The following MTO1 variants were observed in gnomAD, a reference collection of about 807,000 sequenced individuals.
The protein encoded by MTO1 is 5-taurinomethyluridine-[tRNA] synthase subunit MTO1, mitochondrial.
MTO1 carries 46 observed loss-of-function variants against 71.6 expected under a neutral mutation model. The ratio of observed to expected loss-of-function variants is 0.64; its 90% CI spans 0.51 to 0.82. The LOEUF (loss-of-function observed/expected upper bound fraction) is 0.82, where lower values mean the gene tolerates loss of function less well. MTO1 is among the 40% of genes least tolerant of loss of function. MTO1 has a pLI of 0.00. For synonymous variants in MTO1, 297 were observed against 312.1 expected (o/e 0.95, Z 0.51); for missense variants, 773 against 867.5 (o/e 0.89, Z 1.37).
chr6:73,476,935 C>T, intron 4 of MTO1, among the ~76,000 whole-genome samples: 1 of 151,876 alleles, frequency 6.6e-6, no homozygotes, highest in Non-Finnish European at 1.5e-5. Context: ...TTACAGGCAC[C>T]CGCCAACACG....
At chr6:73,493,354 A>ATG (rs144509962) in intron 10 of MTO1, among the ~76,000 whole-genome samples, 53,730 of 139,210 alleles carry the variant, frequency 0.39, 11,288 homozygotes, top group Non-Finnish European at 0.48. Flanking sequence ...ATGTGCATGT[A>ATG]TGTGTGTGTG....
rs148275953 is a variant in MTO1, at chr6:73,474,786, G to A, written c.825+1132G>A. ...TTTTCTTTTTTTGAGACGGAGTTTCGCCATTGTTGCCCAGGCTGGAGTGCA... is the reference window on the plus strand; with the variant it reads ...TTTTCTTTTTTTGAGACGGAGTTTCACCATTGTTGCCCAGGCTGGAGTGCA... On this transcript the variant is annotated intron_variant, in intron 4 of 11. Coordinates refer to ENST00000498286, the MANE Select transcript of MTO1 (RefSeq NM_012123.4). 3.5e-3 allele frequency among the ~76,000 whole-genome samples: 528 copies of A among 149,224 alleles called. 1 individual carries two copies. Among genetic ancestry groups the A allele is most frequent in the African/African-American group, 0.012 (477 of 40,468 alleles).
chr6:73,498,622 A>G (rs903091084), intron 11 of MTO1, among the ~76,000 whole-genome samples: 5 of 152,038 alleles, frequency 3.3e-5, no homozygotes, highest in Admixed American at 6.6e-5. Context: ...TTAATTTACT[A>G]TATAGTAATT....
In MTO1 at chr6:73,482,146, C is replaced by G. The variant is rs1771517793; in HGVS notation, c.1367C>G (p.Thr456Ser). Reference protein sequence around the residue: ...YIGVLIDDLTTLGTSEPYRMF... With the variant: ...YIGVLIDDLTSLGTSEPYRMF... Reference sequence around the variant, plus strand: ...GGAGTCTTGATTGATGACCTCACTACTCTGGGCACCAGTGAACCATACCGC... The same window carrying G: ...GGAGTCTTGATTGATGACCTCACTAGTCTGGGCACCAGTGAACCATACCGC... The change falls in exon 8 of 12, where the codon ACT becomes AGT. Residue 456 changes from threonine (T) to serine (S), a missense_variant. Physicochemically the swap from Thr to Ser is moderately conservative, Grantham distance 58. Coordinates refer to ENST00000498286, the MANE Select transcript of MTO1 (RefSeq NM_012123.4). 1 of 1,614,054 alleles carries G rather than the reference C, an allele frequency of 6.2e-7. No homozygotes were observed. Among genetic ancestry groups the G allele is most frequent in the Non-Finnish European group, 8.5e-7 (1 of 1,180,042 alleles).
intron 4 of MTO1, among the ~76,000 whole-genome samples, chr6:73,477,947 C>T (rs1373758203): frequency 6.6e-6 from 1 of 152,014 alleles, no homozygotes; most frequent in African/African-American, 2.4e-5. Context: ...TTTTACCTAT[C>T]TCTCGAGTTT....
Position 73,506,135 on chromosome 6 carries a change from T to C in MTO1, c.*5400T>C, listed in dbSNP as rs1258328288. On this transcript the variant is annotated 3_prime_UTR_variant, in exon 12 of 12. Transcript: ENST00000498286. ...CTGAGACTACAGGCGCGTGCCACCA[T>C]GCTCAGCTAATTTTTTCTATTTTTA... is the stretch of plus-strand genomic sequence containing the variant. The C allele has an allele frequency of 6.6e-6, 1 of 152,026 alleles. No individual in the cohort carries two copies. The highest frequency in any genetic ancestry group is 1.5e-5 in the Non-Finnish European group (1 of 68,036). The allele number at this position is 152,026 out of a possible 1,614,324, so 9.4% of individuals were successfully genotyped here.
At chr6:73,471,546 C>G (rs1771162505) in intron 3 of MTO1, 1 of 405,478 alleles carries the variant, frequency 2.5e-6, no homozygotes, top group African/African-American at 2.1e-5. Context: ...TCCTGTGTAG[C>G]TGGGACCACA....
chr6:73,468,107 C>T (rs1771052152), intron 3 of MTO1, among the ~76,000 whole-genome samples: 1 of 151,994 alleles, frequency 6.6e-6, no homozygotes, highest in Non-Finnish European at 1.5e-5. Context: ...CTGTGAGCCA[C>T]CGCACCCAGC....
chr6:73,469,666 G>T (rs1421763438), intron 3 of MTO1, among the ~76,000 whole-genome samples: 2 of 150,094 alleles, frequency 1.3e-5, no homozygotes, highest in Admixed American at 6.7e-5. Flanking sequence ...TGGAAGATTT[G>T]TGTGTACACA....
At chr6:73,467,863 C>G (rs940711808) in intron 3 of MTO1, among the ~76,000 whole-genome samples, 1 of 152,008 alleles carries the variant, frequency 6.6e-6, no homozygotes, top group African/African-American at 2.4e-5. Context: ...CACTCTGTGC[C>G]AGGCTGGAAT....
chr6:73,494,109 C>T (rs78009781), intron 10 of MTO1, among the ~76,000 whole-genome samples: 10,138 of 151,832 alleles, frequency 0.067, 462 homozygotes, highest in East Asian at 0.19. Flanking sequence ...GTGGCAGGCA[C>T]CTATAATCCC....
chr6:73,493,694 A>G (rs1328811740), intron 10 of MTO1, among the ~76,000 whole-genome samples: 2 of 151,706 alleles, frequency 1.3e-5, no homozygotes, highest in Non-Finnish European at 2.9e-5. Context: ...CCCAGCATAT[A>G]TATATATATC....
rs1012000476 is a variant in MTO1 at position 73,479,973 on chromosome 6, C to G, written c.976C>G (p.Pro326Ala). The G allele has an allele frequency of 5.0e-6, 8 of 1,613,200 alleles. No individual in the cohort carries two copies. In the African/African-American group the frequency reaches 6.7e-5, roughly 13 times the overall value. The part of the protein sequence containing the change: ...PSIESKVLRF[P>A]NRLHQVWLEP... Reference sequence around the variant, plus strand: ...CATTGAATCAAAAGTTTTGCGTTTTCCAAACCGTCTACATCAGGTTTGGTT... The same window carrying G: ...CATTGAATCAAAAGTTTTGCGTTTTGCAAACCGTCTACATCAGGTTTGGTT... The change falls in exon 6 of 12, where the codon CCA becomes GCA. Residue 326 changes from proline to alanine, a missense_variant. Physicochemically the swap from Pro to Ala is conservative, Grantham distance 27 (BLOSUM62 -1). Transcript: ENST00000498286.
Position 73,481,822 on chromosome 6 carries a change from G to A in MTO1, c.1261-218G>A, listed in dbSNP as rs535902. On this transcript the variant is annotated intron_variant, in intron 7 of 11. Coordinates refer to ENST00000498286, the MANE Select transcript of MTO1 (RefSeq NM_012123.4). ...GTGCAGCTTATCAGGAAGATTAGAT[G>A]GATATCTCTGAAAACAATGAATCAT... Among the ~76,000 whole-genome samples the A allele has an allele frequency of 0.91, 138,145 of 152,156 alleles. 62,817 individuals carry two copies. Among genetic ancestry groups the A allele is most frequent in the East Asian group, 0.95 (4,938 of 5,176 alleles).
Position 73,489,608 on chromosome 6 carries a change from C to A in MTO1, c.1638-2626C>A, listed in dbSNP as rs565584278. ...GCTTCATCCATGTCCCTACAAAGGA[C>A]ATGAACTCATCTTTTTTTATGGCTG... On this transcript the variant is annotated intron_variant, in intron 9 of 11. Transcript: ENST00000498286. 2.0e-5 allele frequency among the ~76,000 whole-genome samples: 3 copies of A among 152,256 alleles called. No individual in the cohort carries two copies. In the South Asian group the frequency reaches 6.2e-4, roughly 32 times the overall value.
Position 73,501,049 on chromosome 6 carries a change from T to G in MTO1, c.*314T>G. On this transcript the variant is annotated 3_prime_UTR_variant, in exon 12 of 12. Coordinates refer to ENST00000498286, the MANE Select transcript of MTO1 (RefSeq NM_012123.4). ...CTCAACATGCAGATTTGCCTACTCA[T>G]AGGGACTTTGCCTATTAAGTCTACC... is the stretch of plus-strand genomic sequence containing the variant. 5.3e-6 allele frequency: 1 copy of G among 189,646 alleles called. No homozygotes were observed. Among genetic ancestry groups the G allele is most frequent in the Non-Finnish European group, 1.1e-5 (1 of 93,546 alleles). The allele number at this position is 189,646 out of a possible 1,614,324, so 11.7% of individuals were successfully genotyped here. A position where few individuals can be genotyped will look rare whatever the true frequency, so the allele number is the denominator to read the frequency against.
intron 9 of MTO1, among the ~76,000 whole-genome samples, chr6:73,484,667 A>C (rs1195372073): frequency 2.0e-5 from 3 of 152,208 alleles, no homozygotes; most frequent in Non-Finnish European, 4.4e-5. Flanking sequence ...AAATGGTTGT[A>C]GTGTAAGCAG....
chr6:73,462,992 G>A lies in MTO1; in HGVS notation c.217+921G>A, dbSNP rs1169965412. Among the ~76,000 whole-genome samples, 7 of 149,838 alleles carry A rather than the reference G, an allele frequency of 4.7e-5. No homozygotes were observed. In the Admixed American group the frequency reaches 4.7e-4, roughly 10 times the overall value. ...ATCTTTGTGTTTCTGTCAAGATTTT[G>A]TGATGCCTTTTGGAAGAACCATGCT... is the stretch of plus-strand genomic sequence containing the variant. On this transcript the variant is annotated intron_variant, in intron 1 of 11. Coordinates refer to ENST00000498286, the MANE Select transcript of MTO1 (RefSeq NM_012123.4).
At chr6:73,491,003 A>G (rs577372) in intron 9 of MTO1, among the ~76,000 whole-genome samples, 88,162 of 151,958 alleles carry the variant, frequency 0.58, 26,828 homozygotes, top group Non-Finnish European at 0.69. Flanking sequence ...ACAAGTGCCA[A>G]TGAATTAAGT....
Sources: gnomAD v4.1 joint callset for allele counts (sites outside exome capture counted in the v4.1 genomes callset) on GRCh38, gnomAD v4.1.1 for gene constraint, MANE v1.5 for transcripts, NCBI Gene and HGNC (gene_info 2026-07-23, HGNC 2026-07-21) for gene names.